Variants in WWOX observed in about 807,000 individuals in gnomAD.
WWOX encodes the protein WW domain containing oxidoreductase.
WWOX carries 69 observed loss-of-function variants against 46.2 expected under a neutral mutation model. That is an observed-to-expected ratio of 1.49 (90% confidence interval 1.23 to 1.82). The LOEUF (loss-of-function observed/expected upper bound fraction) is 1.82, where lower values mean the gene tolerates loss of function less well. Among genes scored for constraint, WWOX ranks in the 40% most tolerant of loss-of-function variants. The pLI is 0.00. For missense variants in WWOX, 919 were observed against 542.6 expected, an observed-to-expected ratio of 1.69 and a Z score of -6.89; for synonymous variants, 359 against 202.6, an observed-to-expected ratio of 1.77 and a Z score of -6.56.
At chr16:78,866,123 C>G (rs1480552321) in intron 8 of WWOX, among the ~76,000 whole-genome samples, 2 of 152,178 alleles carry the variant, frequency 1.3e-5, no homozygotes, top group East Asian at 1.9e-4. Flanking sequence ...ATCTCTTTCT[C>G]TTCCATAACA....
intron 8 of WWOX, among the ~76,000 whole-genome samples, chr16:79,059,680 G>C (rs1409418119): frequency 6.6e-6 from 1 of 152,108 alleles, no homozygotes; most frequent in Non-Finnish European, 1.5e-5. Flanking sequence ...ATTTTTAGTA[G>C]AGATGGGGTT....
At chr16:78,814,130 C>T (rs1471938240) in intron 8 of WWOX, among the ~76,000 whole-genome samples, 1 of 152,220 alleles carries the variant, frequency 6.6e-6, no homozygotes, top group Non-Finnish European at 1.5e-5. Flanking sequence ...CAGGAGAAGA[C>T]AGAACCCGGC....
intron 6 of WWOX, among the ~76,000 whole-genome samples, chr16:78,387,301 C>A (rs771527296): frequency 6.6e-6 from 1 of 152,136 alleles, no homozygotes; most frequent in Non-Finnish European, 1.5e-5. Flanking sequence ...AAATTGCATT[C>A]AGGAACAAGT....
intron 8 of WWOX, among the ~76,000 whole-genome samples, chr16:78,503,019 G>C (rs1483688383): frequency 6.6e-6 from 1 of 152,206 alleles, no homozygotes; most frequent in Admixed American, 6.5e-5. Context: ...TGATTAATGA[G>C]TCCATGTTTC....
intron 5 of WWOX, among the ~76,000 whole-genome samples, chr16:78,370,954 G>GT (rs1217610378): frequency 3.4e-5 from 5 of 146,820 alleles, no homozygotes; most frequent in Non-Finnish European, 7.5e-5. Context: ...TAGAGGTCAG[G>GT]TTGCTCTGAG....
At chr16:78,476,897 T>A (rs2084362771) in intron 8 of WWOX, among the ~76,000 whole-genome samples, 2 of 152,236 alleles carry the variant, frequency 1.3e-5, no homozygotes, top group Admixed American at 1.3e-4. Flanking sequence ...TTCCTCCCTC[T>A]TCTCTCCCCT....
At chr16:79,089,029 C>G (rs765172214) in intron 8 of WWOX, among the ~76,000 whole-genome samples, 1 of 152,124 alleles carries the variant, frequency 6.6e-6, no homozygotes, top group Non-Finnish European at 1.5e-5. Flanking sequence ...AAGCCAATTT[C>G]ATTTTGCCTG....
chr16:78,744,430 T>C (rs2049300534), intron 8 of WWOX, among the ~76,000 whole-genome samples: 3 of 138,894 alleles, frequency 2.2e-5, no homozygotes, highest in Admixed American at 7.1e-5. Context: ...TGCTTTTTTT[T>C]TTTTTTTTTT....
At chr16:78,411,560 C>T (rs1167417106) in intron 6 of WWOX, among the ~76,000 whole-genome samples, 1 of 152,126 alleles carries the variant, frequency 6.6e-6, no homozygotes, top group Non-Finnish European at 1.5e-5. Flanking sequence ...GTGGCTGTTG[C>T]TCAGAAGGAC....
chr16:78,733,811 A>G (rs962170948), intron 8 of WWOX, among the ~76,000 whole-genome samples: 2 of 152,074 alleles, frequency 1.3e-5, no homozygotes, highest in African/African-American at 4.8e-5. Flanking sequence ...CATGCCTGCC[A>G]TCCCAGCACT....
At chr16:78,763,406 C>G (rs1308474261) in intron 8 of WWOX, among the ~76,000 whole-genome samples, 2 of 152,224 alleles carry the variant, frequency 1.3e-5, no homozygotes, top group Non-Finnish European at 2.9e-5. Flanking sequence ...CTGCTATCTA[C>G]CAGGCAGTGG....
chr16:78,483,824 T>A lies in WWOX; in HGVS notation c.1056+51072T>A, dbSNP rs566585646. ...TAACTCACATTAATTAGCCTTAATT[T>A]AAAAAAAATGAGAAGAGCCAGCATC... On this transcript the variant is annotated intron_variant, in intron 8 of 8. Coordinates refer to ENST00000566780, the MANE Select transcript of WWOX (RefSeq NM_016373.4). Among the ~76,000 whole-genome samples, 804 of 152,078 alleles carry A rather than the reference T, an allele frequency of 5.3e-3. 5 individuals carry two copies. Among genetic ancestry groups the A allele is most frequent in the Middle Eastern group, 0.031 (9 of 294 alleles).
At chr16:79,211,259 A>G (rs1355025296) in intron 8 of WWOX, among the ~76,000 whole-genome samples, 1 of 152,132 alleles carries the variant, frequency 6.6e-6, no homozygotes, top group Non-Finnish European at 1.5e-5. Flanking sequence ...GAGGGGTTGG[A>G]TGAATTTGTT....
intron 8 of WWOX, among the ~76,000 whole-genome samples, chr16:78,634,015 G>C (rs4035837): frequency 6.6e-6 from 1 of 152,038 alleles, no homozygotes. Context: ...CAACCCTCGA[G>C]CCAACTGACA....
chr16:78,358,636 C>CA (rs1230377135), intron 5 of WWOX, among the ~76,000 whole-genome samples: 1 of 151,578 alleles, frequency 6.6e-6, no homozygotes, highest in Non-Finnish European at 1.5e-5. Context: ...CCAGCCTGAG[C>CA]AACAGAGCAA....
intron 8 of WWOX, among the ~76,000 whole-genome samples, chr16:78,631,682 G>A (rs1597372890): frequency 1.3e-5 from 2 of 152,010 alleles, no homozygotes; most frequent in African/African-American, 4.8e-5. Context: ...CTACACGTGT[G>A]TGCCACCGTG....
chr16:78,542,564 A>T (rs2043924152), intron 8 of WWOX, among the ~76,000 whole-genome samples: 4 of 152,186 alleles, frequency 2.6e-5, no homozygotes, highest in Admixed American at 2.6e-4. Context: ...TGCAGAGGTG[A>T]CCGTGTTCGC....
intron 8 of WWOX, among the ~76,000 whole-genome samples, chr16:79,180,910 A>G (rs1000179003): frequency 2.0e-5 from 3 of 152,210 alleles, no homozygotes; most frequent in African/African-American, 4.8e-5. Flanking sequence ...TGCTACATAC[A>G]AGGACATTTG....
At chr16:78,713,417 C>T (rs2048489225) in intron 8 of WWOX, among the ~76,000 whole-genome samples, 1 of 150,940 alleles carries the variant, frequency 6.6e-6, no homozygotes, top group African/African-American at 2.4e-5. Context: ...TATTTGGTAT[C>T]TGTTAGGAGC....
Sources: gnomAD v4.1 joint callset for allele counts (sites outside exome capture counted in the v4.1 genomes callset) on GRCh38, gnomAD v4.1.1 for gene constraint, MANE v1.5 for transcripts, NCBI Gene and HGNC (gene_info 2026-07-23, HGNC 2026-07-21) for gene names.